Variants in GMDS observed in about 807,000 individuals in gnomAD.
GMDS encodes the protein GDP-mannose 4,6 dehydratase.
A neutral mutation model predicts 49.9 loss-of-function variants in GMDS; 20 were observed. The observed-to-expected ratio is 0.40, with a 90% CI of 0.28 to 0.58. The LOEUF is 0.58. Among genes scored for constraint, GMDS ranks in the 20% least tolerant of loss-of-function variants. The pLI, the probability that GMDS is intolerant of heterozygous loss-of-function variation, is 0.42. For synonymous variants in GMDS, 177 were observed against 178.6 expected, an observed-to-expected ratio of 0.99 and a Z score of 0.07; for missense variants, 362 against 481.4, an observed-to-expected ratio of 0.75 and a Z score of 2.32.
intron 7 of GMDS, among the ~76,000 whole-genome samples, chr6:1,745,727 G>T (rs1220613339): frequency 6.6e-6 from 1 of 152,226 alleles, no homozygotes; most frequent in African/African-American, 2.4e-5. Context: ...AGAAGAGAAA[G>T]GATATACAAC....
chr6:1,641,145 A>C lies in GMDS; in HGVS notation c.988-16605T>G, dbSNP rs576953841. Among the ~76,000 whole-genome samples, 4 of 152,332 alleles carry C rather than the reference A, an allele frequency of 2.6e-5. No homozygotes were observed. The South Asian group carries it at 8.3e-4, about 32-fold the overall frequency. ...CTTGGGGAAACTGGTGGCTACTCACATGCTGGAGATTGGACTGGACTCATT... is the reference window on the plus strand; with the variant it reads ...CTTGGGGAAACTGGTGGCTACTCACCTGCTGGAGATTGGACTGGACTCATT... On this transcript the variant is annotated intron_variant, in intron 9 of 10. Coordinates refer to ENST00000380815, the MANE Select transcript of GMDS (RefSeq NM_001500.4).
At chr6:2,075,372 T>A (rs1772271811) in intron 4 of GMDS, among the ~76,000 whole-genome samples, 1 of 152,136 alleles carries the variant, frequency 6.6e-6, no homozygotes, top group South Asian at 2.1e-4. Flanking sequence ...CTGCACCCGT[T>A]AACTCGTCAT....
At chr6:1,799,054 T>G (rs927446712) in intron 7 of GMDS, among the ~76,000 whole-genome samples, 4 of 152,192 alleles carry the variant, frequency 2.6e-5, no homozygotes, top group Non-Finnish European at 4.4e-5. Context: ...AATAGGAACT[T>G]TCAAACCTTT....
At chr6:1,881,763 C>G (rs945557931) in intron 7 of GMDS, among the ~76,000 whole-genome samples, 6 of 152,188 alleles carry the variant, frequency 3.9e-5, no homozygotes, top group Non-Finnish European at 7.4e-5. Flanking sequence ...TCGGATTACT[C>G]AAATGACCAA....
At chr6:1,789,709 T>C (rs1399028141) in intron 7 of GMDS, among the ~76,000 whole-genome samples, 1 of 151,976 alleles carries the variant, frequency 6.6e-6, no homozygotes, top group Non-Finnish European at 1.5e-5. Context: ...CTAATTTTTG[T>C]GTATTTTTTT....
At chr6:1,749,073 G>A (rs1288427578) in intron 7 of GMDS, among the ~76,000 whole-genome samples, 1 of 152,156 alleles carries the variant, frequency 6.6e-6, no homozygotes, top group African/African-American at 2.4e-5. Flanking sequence ...TTTAATTCAG[G>A]CTTCTCTGAA....
At chr6:2,164,578 G>C (rs891229982) in intron 1 of GMDS, among the ~76,000 whole-genome samples, 7 of 152,172 alleles carry the variant, frequency 4.6e-5, no homozygotes, top group African/African-American at 1.4e-4. Flanking sequence ...CAGAATTTAG[G>C]GTTCGATATC....
chr6:1,673,683 CCT>C (rs1262911076), intron 9 of GMDS, among the ~76,000 whole-genome samples: 1 of 152,058 alleles, frequency 6.6e-6, no homozygotes, highest in African/African-American at 2.4e-5. Context: ...ACAAAAGCCC[CCT>C]GTGCTCTTCC....
chr6:1,951,125 C>T (rs553141295), intron 6 of GMDS, among the ~76,000 whole-genome samples: 10 of 151,888 alleles, frequency 6.6e-5, no homozygotes, highest in African/African-American at 1.9e-4. Context: ...ATCTTTACAG[C>T]AACAAATAAA....
intron 9 of GMDS, among the ~76,000 whole-genome samples, chr6:1,698,950 C>T (rs1323106902): frequency 1.3e-5 from 2 of 152,114 alleles, no homozygotes; most frequent in African/African-American, 4.8e-5. Flanking sequence ...CAACAAGCCA[C>T]AGTCATGGGG....
At position 1,956,871 on chromosome 6, in the gene GMDS, G is replaced by A. The variant is rs73427404; in HGVS notation, c.643+2996C>T. On this transcript the variant is annotated intron_variant, in intron 6 of 10. Transcript: ENST00000380815. Reference sequence around the variant, plus strand: ...CTGTCGCCTGGGCTGGCACAATCTCGGCTCATTGCAACCTCTGCCTCCTGG... The same window carrying A: ...CTGTCGCCTGGGCTGGCACAATCTCAGCTCATTGCAACCTCTGCCTCCTGG... Among the ~76,000 whole-genome samples the A allele has an allele frequency of 8.4e-3, 1,260 of 150,116 alleles. 14 individuals carry two copies. Among genetic ancestry groups the A allele is most frequent in the African/African-American group, 0.029 (1,186 of 40,704 alleles).
chr6:1,977,980 T>C (rs1561941050), intron 4 of GMDS, among the ~76,000 whole-genome samples: 1 of 152,190 alleles, frequency 6.6e-6, no homozygotes, highest in Non-Finnish European at 1.5e-5. Context: ...GGCAGCATCA[T>C]TCTGCGGGCC....
Position 2,031,125 on chromosome 6 carries a change from T to C in GMDS, c.346-70159A>G, listed in dbSNP as rs111966067. Among the ~76,000 whole-genome samples the C allele has an allele frequency of 4.9e-3, 743 of 152,322 alleles. 5 individuals carry two copies. Among genetic ancestry groups the C allele is most frequent in the African/African-American group, 0.015 (639 of 41,568 alleles). ...AATGTGCATACAGAAATCGCCCTGT[T>C]AACACGCACATCCTGATGCAGTAGT... On this transcript the variant is annotated intron_variant, in intron 4 of 10. Coordinates refer to ENST00000380815, the MANE Select transcript of GMDS (RefSeq NM_001500.4).
chr6:2,150,782 C>G (rs1302807186), intron 1 of GMDS, among the ~76,000 whole-genome samples: 1 of 152,174 alleles, frequency 6.6e-6, no homozygotes, highest in Non-Finnish European at 1.5e-5. Context: ...AGTGCTTAGG[C>G]TGACTACCAC....
intron 1 of GMDS, among the ~76,000 whole-genome samples, chr6:2,208,853 T>G (rs1392602296): frequency 8.9e-6 from 1 of 111,800 alleles, no homozygotes; most frequent in Non-Finnish European, 1.7e-5. Flanking sequence ...GTGGGCTACA[T>G]TAAAAAAAAA....
At chr6:1,700,210 T>C (rs1581476444) in intron 9 of GMDS, among the ~76,000 whole-genome samples, 1 of 152,232 alleles carries the variant, frequency 6.6e-6, no homozygotes, top group Non-Finnish European at 1.5e-5. Flanking sequence ...AATTTATCTG[T>C]ATATGAGAAT....
At chr6:1,682,567 T>TAGAAAGGGAAATC (rs1196936148) in intron 9 of GMDS, among the ~76,000 whole-genome samples, 1 of 19,314 alleles carries the variant, frequency 5.2e-5, no homozygotes, top group African/African-American at 1.9e-4. Context: ...TTCATTTTTT[T>TAGAAAGGGAAATC]TTTTTTTTTT....
chr6:2,077,990 T>C (rs193104677), intron 4 of GMDS, among the ~76,000 whole-genome samples: 1 of 152,206 alleles, frequency 6.6e-6, no homozygotes, highest in East Asian at 1.9e-4. Flanking sequence ...GCTTTCTGTT[T>C]TTTCCAGATT....
intron 7 of GMDS, among the ~76,000 whole-genome samples, chr6:1,801,353 T>C (rs565327857): frequency 7.2e-5 from 11 of 152,368 alleles, no homozygotes; most frequent in South Asian, 4.1e-4. Flanking sequence ...ATTTTTGTGA[T>C]TGTTATTCAA....
Sources: gnomAD v4.1 joint callset for allele counts (sites outside exome capture counted in the v4.1 genomes callset) on GRCh38, gnomAD v4.1.1 for gene constraint, MANE v1.5 for transcripts, NCBI Gene and HGNC (gene_info 2026-07-23, HGNC 2026-07-21) for gene names.